Variants in NLRP8 observed in about 807,000 individuals in gnomAD.
The protein encoded by NLRP8 is NACHT, LRR and PYD domains-containing protein 8.
Under a neutral mutation model 88.7 loss-of-function variants are expected in NLRP8, and 86 were observed. The ratio of observed to expected loss-of-function variants is 0.97; its 90% CI spans 0.81 to 1.16. The LOEUF (loss-of-function observed/expected upper bound fraction) is 1.16. NLRP8 is among the 50% of genes most tolerant of loss of function. The pLI is 0.00. For synonymous variants in NLRP8, 504 were observed against 494.6 expected, an observed-to-expected ratio of 1.02 and a Z score of -0.25; for missense variants, 1,342 against 1,286.5, an observed-to-expected ratio of 1.04 and a Z score of -0.66.
rs1420627252 is a variant in NLRP8, at chr19:55,970,611, C to A, written c.2449C>A (p.His817Asn). ...TGGCAATAATCTTCAAGGTAACGGG[C>A]ATCTAAAGACTCTCATACTAAGAAA... The change falls in exon 6 of 10, where the codon CAT becomes AAT. Residue 817 changes from histidine (H) to asparagine (N), a missense_variant. Transcript: ENST00000291971. 3 of 1,613,940 alleles carry A rather than the reference C, an allele frequency of 1.9e-6. No homozygotes were observed. In the African/African-American group the frequency reaches 4.0e-5, roughly 22 times the overall value.
chr19:55,950,634 G>C (rs555163351), intron 1 of NLRP8, among the ~76,000 whole-genome samples: 1 of 152,330 alleles, frequency 6.6e-6, no homozygotes, highest in South Asian at 2.1e-4. Context: ...GTGACGCTCT[G>C]CCTTCTGGCT....
At position 55,955,045 on chromosome 19, in the gene NLRP8, G is replaced by A. The variant is rs752969286; in HGVS notation, c.987G>A (p.Thr329=). 9.3e-6 allele frequency: 15 copies of A among 1,614,024 alleles called. No individual in the cohort carries two copies. The highest frequency in any genetic ancestry group is 1.6e-4 in the Middle Eastern group (1 of 6,062). Reference sequence around the variant, plus strand: ...GCAAAACGATGCTTCCAGAGGCCACGCTACTGATCATGATAAGATTTACCT... The same window carrying A: ...GCAAAACGATGCTTCCAGAGGCCACACTACTGATCATGATAAGATTTACCT... The change falls in exon 3 of 10, where the codon ACG becomes ACA. Residue 329 remains threonine, a synonymous_variant. Coordinates refer to ENST00000291971, the MANE Select transcript of NLRP8 (RefSeq NM_176811.2).
rs539133836 is a variant in NLRP8, at chr19:55,972,554, A to G, written c.2535-1098A>G. Among the ~76,000 whole-genome samples the G allele has an allele frequency of 1.7e-4, 26 of 151,890 alleles. No homozygotes were observed. The South Asian group carries it at 2.5e-3, about 15-fold the overall frequency. On this transcript the variant is annotated intron_variant, in intron 6 of 9. Coordinates refer to ENST00000291971, the MANE Select transcript of NLRP8 (RefSeq NM_176811.2). The stretch of plus-strand genomic sequence containing the variant: ...ATCCGAGCAGTGTACACTGTACCCA[A>G]TGTGTAGTCTTTTATCCCTTGCCAC...
At chr19:55,966,448 G>C in intron 5 of NLRP8, 68 bp downstream of exon 5, 1 of 1,426,662 alleles carries the variant, frequency 7.0e-7, no homozygotes, top group South Asian at 1.2e-5. Flanking sequence ...GGGCGGTGAT[G>C]AGAGGCTCAG....
intron 7 of NLRP8, among the ~76,000 whole-genome samples, chr19:55,975,072 C>T (rs752071825): frequency 3.9e-5 from 6 of 152,166 alleles, no homozygotes; most frequent in Non-Finnish European, 7.3e-5. Context: ...GCAATCACTA[C>T]ACATGAGGGC....
At chr19:55,987,566 C>G (rs1165692843) in intron 9 of NLRP8, among the ~76,000 whole-genome samples, 1 of 152,142 alleles carries the variant, frequency 6.6e-6, no homozygotes, top group South Asian at 2.1e-4. Context: ...AGGGAGGAAG[C>G]TGAGCCCCAG....
intron 3 of NLRP8, among the ~76,000 whole-genome samples, chr19:55,957,723 AT>A: frequency 1.8e-5 from 2 of 113,366 alleles, no homozygotes; most frequent in African/African-American, 3.6e-5. Flanking sequence ...ATATATATAT[AT>A]AAAATAAGGT....
At chr19:55,952,032 G>T (rs149391460) in intron 1 of NLRP8, among the ~76,000 whole-genome samples, 1 of 152,164 alleles carries the variant, frequency 6.6e-6, no homozygotes, top group Non-Finnish European at 1.5e-5. Context: ...GATTACAGGC[G>T]TGAGCCACAG....
rs545821879 is a variant in NLRP8 at position 55,976,313 on chromosome 19, C to T, written c.2876+10C>T. On this transcript the variant is annotated intron_variant, in intron 8 of 9. Transcript: ENST00000291971. ...CATTACAGATCCTGGAGTAAGTGGC[C>T]CCTCGTCTCCTCCTGTGAGACCAGG... The T allele has an allele frequency of 3.8e-6, 6 of 1,587,602 alleles. No individual in the cohort carries two copies. Among genetic ancestry groups the T allele is most frequent in the Middle Eastern group, 1.7e-4 (1 of 5,918 alleles).
intron 7 of NLRP8, among the ~76,000 whole-genome samples, chr19:55,974,862 G>A (rs1430773756): frequency 2.0e-5 from 3 of 152,004 alleles, no homozygotes; most frequent in Non-Finnish European, 4.4e-5. Flanking sequence ...TGTCTTATCT[G>A]TGTTTTACTG....
At chr19:55,948,421 T>A in intron 1 of NLRP8, 152 bp downstream of exon 1, 1 of 787,962 alleles carries the variant, frequency 1.3e-6, no homozygotes, top group Non-Finnish European at 2.0e-6. Context: ...GCAAAGACTG[T>A]CATACGGGCA....
At position 55,988,006 on chromosome 19, in the gene NLRP8, G is replaced by A. The variant is rs779048040; in HGVS notation, c.*93G>A. The A allele has an allele frequency of 1.5e-5, 14 of 953,546 alleles. No individual in the cohort carries two copies. Among genetic ancestry groups the A allele is most frequent in the African/African-American group, 9.7e-5 (6 of 62,058 alleles). 59.1% of individuals were successfully genotyped at this position (953,546 alleles called of 1,614,324 possible). On this transcript the variant is annotated 3_prime_UTR_variant, in exon 10 of 10. Transcript: ENST00000291971. ...GCGTTATCATCCTGTATGCATTAAC[G>A]TACTTTCCCCTGAAACAGAGCAACC...
chr19:55,953,628 T>C (rs1979196414), intron 2 of NLRP8, among the ~76,000 whole-genome samples: 1 of 151,996 alleles, frequency 6.6e-6, no homozygotes, highest in South Asian at 2.1e-4. Context: ...GCCTCCTGCG[T>C]AGCTGGGATT....
Position 55,986,324 on chromosome 19 carries a change from A to C in NLRP8, c.3048-1490A>C, listed in dbSNP as rs988264317. On this transcript the variant is annotated intron_variant, in intron 9 of 9. Transcript: ENST00000291971. ...CTATCATACACAGTCTCTCACACAC[A>C]CACACTCTCTGTCTCACACACATTG... Among the ~76,000 whole-genome samples, 9 of 145,758 alleles carry C rather than the reference A, an allele frequency of 6.2e-5. No homozygotes were observed. In the East Asian group the frequency reaches 2.0e-3, roughly 33 times the overall value.
In NLRP8 at chr19:55,961,268, G is replaced by A. The variant is rs118053739; in HGVS notation, c.2043-799G>A. Reference sequence around the variant, plus strand: ...CATGTGTATCTTGGTCAGCCTCTCTGAAACGATTGTATGGGGAAGAATGAA... The same window carrying A: ...CATGTGTATCTTGGTCAGCCTCTCTAAAACGATTGTATGGGGAAGAATGAA... On this transcript the variant is annotated intron_variant, in intron 3 of 9. Coordinates refer to ENST00000291971, the MANE Select transcript of NLRP8 (RefSeq NM_176811.2). Among the ~76,000 whole-genome samples the A allele has an allele frequency of 2.8e-3, 431 of 152,196 alleles. 8 individuals are homozygous for A. The highest frequency in any genetic ancestry group is 0.027 in the East Asian group (141 of 5,174).
In NLRP8 at chr19:55,987,908, C is replaced by T. The variant is rs1461331084; in HGVS notation, c.3142C>T (p.Pro1048Ser). The change falls in exon 10 of 10, where the codon CCT (proline) becomes TCT (serine). Residue 1048 changes from proline to serine, a missense_variant. Pro to Ser is a moderately conservative substitution (Grantham distance 74). Transcript: ENST00000291971. ...AAGTGACTGCCTATCCCAGATTAAT[C>T]CTTAGGCCGTCCAGTCATCTTTCTC... 3.7e-6 allele frequency: 6 copies of T among 1,610,812 alleles called. No individual in the cohort carries two copies. Among genetic ancestry groups the T allele is most frequent in the African/African-American group, 2.7e-5 (2 of 74,834 alleles).
Position 55,954,990 on chromosome 19 carries a change from C to T in NLRP8, c.932C>T (p.Pro311Leu), listed in dbSNP as rs1267855509. ...AGTGAAGACTGGAGGCAGAAATTGC[C>T]TGGGTCTGTCCTACTGAGCAGTTTG... The change falls in exon 3 of 10, where the codon CCT becomes CTT. Residue 311 changes from proline to leucine, a missense_variant. Coordinates refer to ENST00000291971, the MANE Select transcript of NLRP8 (RefSeq NM_176811.2). 1 of 1,614,148 alleles carries T rather than the reference C, an allele frequency of 6.2e-7. No homozygotes were observed. Among genetic ancestry groups the T allele is most frequent in the South Asian group, 1.1e-5 (1 of 91,076 alleles).
At chr19:55,970,436 C>T (rs959691161) in intron 5 of NLRP8, 108 bp from the exon 6 acceptor site, 94 of 1,285,406 alleles carry the variant, frequency 7.3e-5, no homozygotes, top group Non-Finnish European at 8.9e-5. Context: ...AATAATCCCC[C>T]GAGTCTCTGC....
Position 55,955,001 on chromosome 19 carries a change from CTACTGAGCAGTT to C in NLRP8, c.945_956del (p.Ser318_Ser321del). On this transcript the variant is annotated inframe_deletion, in exon 3 of 10. Transcript: ENST00000291971. ...GAGGCAGAAATTGCCTGGGTCTGTC[CTACTGAGCAGTT>C]TGCTGAGCAAAACGATGCTTCCAGA... 1 of 1,614,112 alleles carries C rather than the reference CTACTGAGCAGTT, an allele frequency of 6.2e-7. No homozygotes were observed. Among genetic ancestry groups the C allele is most frequent in the Middle Eastern group, 1.6e-4 (1 of 6,062 alleles).
Sources: gnomAD v4.1 joint callset for allele counts (sites outside exome capture counted in the v4.1 genomes callset) on GRCh38, gnomAD v4.1.1 for gene constraint, MANE v1.5 for transcripts, NCBI Gene and HGNC (gene_info 2026-07-23, HGNC 2026-07-21) for gene names.